PRH1: variants seen among roughly 807,000 people sequenced by gnomAD.
The protein encoded by PRH1 is salivary acidic proline-rich phosphoprotein 1/2.
Under a neutral mutation model 7.9 loss-of-function variants are expected in PRH1, and 7 were observed. The observed-to-expected ratio is 0.89, with a 90% confidence interval of 0.50 to 1.67. PRH1 has a LOEUF of 1.67. PRH1 is among the 40% of genes most tolerant of loss of function. The pLI is 0.00. For missense variants in PRH1, 109 were observed against 223.6 expected (o/e 0.49, Z 3.27); for synonymous variants, 45 against 80.8 (o/e 0.56, Z 2.38).
In PRH1 at chr12:10,998,026, G is replaced by A. The variant is rs920980672; in HGVS notation, c.-125-24305C>T. ...TTAAATTCTGTGAACAATGTCAACAGAAAAGCACCAGCTTAAACTAATGAA... is the reference window on the plus strand; with the variant it reads ...TTAAATTCTGTGAACAATGTCAACAAAAAAGCACCAGCTTAAACTAATGAA... On this transcript the variant is annotated intron_variant, in intron 1 of 3. Transcript: ENST00000539853. The A allele has an allele frequency of 5.2e-6, 3 of 576,002 alleles. No homozygotes were observed. In the African/African-American group the frequency reaches 5.6e-5, roughly 11 times the overall value. 35.7% of individuals were successfully genotyped at this position (576,002 alleles called of 1,614,324 possible).
intron 2 of PRH1, chr12:10,895,137 T>C (rs1285942513): frequency 2.6e-5 from 4 of 152,212 alleles, no homozygotes; most frequent in Non-Finnish European, 2.9e-5. Flanking sequence ...GTTAGTATGA[T>C]ACTGATGAAA....
intron 2 of PRH1, among the ~76,000 whole-genome samples, chr12:10,941,286 T>C (rs1293789296): frequency 2.6e-5 from 4 of 152,172 alleles, no homozygotes; most frequent in Non-Finnish European, 5.9e-5. Context: ...TTGAAAACAC[T>C]AGGTTTTCAT....
intron 1 of PRH1, among the ~76,000 whole-genome samples, chr12:10,989,911 C>T (rs1018149193): frequency 3.9e-5 from 6 of 152,076 alleles, no homozygotes; most frequent in Non-Finnish European, 5.9e-5. Context: ...TTCAGATTTT[C>T]GATTGGTCTT....
At chr12:11,119,378 T>C (rs1029493788), downstream of PRH1, among the ~76,000 whole-genome samples, 18 of 151,006 alleles carry the variant, frequency 1.2e-4, no homozygotes, top group African/African-American at 4.1e-4. Flanking sequence ...AGAGTGACTA[T>C]AGTCAATGAT....
At chr12:11,027,573 C>A (rs1352676339) in intron 1 of PRH1, among the ~76,000 whole-genome samples, 1 of 152,198 alleles carries the variant, frequency 6.6e-6, no homozygotes, top group African/African-American at 2.4e-5. Context: ...ACAACATATT[C>A]CACATTTGAG....
At chr12:10,964,954 T>A in intron 2 of PRH1, 1 of 631,332 alleles carries the variant, frequency 1.6e-6, no homozygotes, top group East Asian at 4.1e-5. Flanking sequence ...AAGACCCCAA[T>A]AGTATCACTG....
At chr12:10,886,566 G>T (rs908006968), upstream of PRH1, among the ~76,000 whole-genome samples, 7 of 152,180 alleles carry the variant, frequency 4.6e-5, no homozygotes, top group African/African-American at 7.2e-5. Flanking sequence ...GTGAGTGAAG[G>T]TGGGTGAAAG....
intron 2 of PRH1, among the ~76,000 whole-genome samples, chr12:10,953,816 T>C (rs1037471216): frequency 1.3e-5 from 2 of 152,072 alleles, no homozygotes; most frequent in Non-Finnish European, 2.9e-5. Flanking sequence ...AGTCATCAGA[T>C]TCTCCAAGGC....
At chr12:10,907,132 G>A (rs369558458) in intron 2 of PRH1, among the ~76,000 whole-genome samples, 3 of 152,226 alleles carry the variant, frequency 2.0e-5, no homozygotes, top group Middle Eastern at 3.4e-3. Context: ...TGAAACACTC[G>A]TATATTGCTG....
intron 2 of PRH1, among the ~76,000 whole-genome samples, chr12:10,937,178 A>T (rs926753323): frequency 6.7e-6 from 1 of 148,598 alleles, no homozygotes; most frequent in Non-Finnish European, 1.5e-5. Context: ...CTGAATTCCC[A>T]TTTGCCTCTA....
intron 1 of PRH1, chr12:11,030,358 C>T (rs1942130038): frequency 2.5e-6 from 4 of 1,575,656 alleles, no homozygotes; most frequent in Non-Finnish European, 2.6e-6. Context: ...TTTCATACAC[C>T]ACCAGTTTGT....
At chr12:11,048,426 G>T, upstream of PRH1, 1 of 327,206 alleles carries the variant, frequency 3.1e-6, no homozygotes, top group South Asian at 6.4e-5. Context: ...TAGTCAGGAT[G>T]AATGAGTGGA....
At chr12:10,961,318 G>A (rs541190562) in intron 2 of PRH1, among the ~76,000 whole-genome samples, 2 of 150,974 alleles carry the variant, frequency 1.3e-5, no homozygotes, top group South Asian at 2.1e-4. Flanking sequence ...TTGAGAAGAG[G>A]TGCCCAGCGA....
At chr12:10,904,935 C>A (rs1428197222) in intron 2 of PRH1, among the ~76,000 whole-genome samples, 4 of 151,728 alleles carry the variant, frequency 2.6e-5, no homozygotes, top group African/African-American at 9.7e-5. Context: ...CTCAACATCA[C>A]TAATCATTAG....
At position 11,074,826 on chromosome 12, in the gene PRH1, A is replaced by G. The variant is rs1171843539; in HGVS notation, n.124-27638T>C. 9.3e-5 allele frequency among the ~76,000 whole-genome samples: 11 copies of G among 118,110 alleles called. 1 individual carries two copies. The highest frequency in any genetic ancestry group is 1.6e-4 in the Non-Finnish European group (8 of 50,006). 77.5% of individuals were successfully genotyped at this position (118,110 alleles called of 152,430 possible). On this transcript the variant is annotated intron_variant and non_coding_transcript_variant, in intron 1 of 4. Coordinates refer to the PRH1 transcript ENST00000541977. ...AGAAAACAAAAGACAGCTAGGATACATTCTCCCTTTTCTCTCTTCCATGGA... is the reference window on the plus strand; with the variant it reads ...AGAAAACAAAAGACAGCTAGGATACGTTCTCCCTTTTCTCTCTTCCATGGA...
chr12:10,983,498 A>G (rs1013264577), intron 1 of PRH1, among the ~76,000 whole-genome samples: 4 of 152,282 alleles, frequency 2.6e-5, no homozygotes, highest in East Asian at 1.9e-4. Flanking sequence ...TGGGACTTCA[A>G]TGGAACACCA....
rs1453547728 is a variant in PRH1, at chr12:11,000,961, A to C, written c.-125-27240T>G. Reference sequence around the variant, plus strand: ...AGCAGAACAAAGCACTCTTACCACCAAGTTTTTTAAAAAAAGTTGGGTTCT... The same window carrying C: ...AGCAGAACAAAGCACTCTTACCACCCAGTTTTTTAAAAAAAGTTGGGTTCT... On this transcript the variant is annotated intron_variant, in intron 1 of 3. Transcript: ENST00000539853. Among the ~76,000 whole-genome samples the C allele has an allele frequency of 2.6e-5, 4 of 151,836 alleles. No individual in the cohort carries two copies. In the East Asian group the frequency reaches 7.8e-4, roughly 30 times the overall value.
intron 1 of PRH1, chr12:11,133,246 A>G: frequency 1.3e-6 from 2 of 1,548,164 alleles, no homozygotes; most frequent in Non-Finnish European, 1.7e-6. Context: ...ACCCAGTAAG[A>G]AATATAAAAT....
intron 1 of PRH1, among the ~76,000 whole-genome samples, chr12:11,169,304 A>G (rs965601098): frequency 6.6e-6 from 1 of 152,254 alleles, no homozygotes; most frequent in Admixed American, 6.5e-5. Context: ...AGGGGCAGAT[A>G]AAAACTACAA....
Sources: gnomAD v4.1 joint callset for allele counts (sites outside exome capture counted in the v4.1 genomes callset) on GRCh38, gnomAD v4.1.1 for gene constraint, MANE v1.5 for transcripts, NCBI Gene and HGNC (gene_info 2026-07-23, HGNC 2026-07-21) for gene names.